Variants in LOXL4 observed in about 807,000 individuals in gnomAD.
LOXL4 encodes the protein lysyl oxidase like 4.
Under a neutral mutation model 89.1 loss-of-function variants are expected in LOXL4, and 72 were observed. That is an observed-to-expected ratio of 0.81 (90% CI 0.67 to 0.98). The LOEUF (loss-of-function observed/expected upper bound fraction) is 0.98. LOXL4 is among the 50% of genes least tolerant of loss of function. The probability of loss-of-function intolerance (pLI) is 0.00; values close to 1 mark genes in which losing one functional copy is unlikely to be tolerated. For missense variants in LOXL4, 984 were observed against 1,017.5 expected (o/e 0.97, Z 0.45); for synonymous variants, 355 against 392.1 (o/e 0.91, Z 1.12).
intron 1 of LOXL4, among the ~76,000 whole-genome samples, chr10:98,266,257 T>C (rs900203922): frequency 1.3e-5 from 2 of 151,932 alleles, no homozygotes; most frequent in Non-Finnish European, 2.9e-5. Flanking sequence ...CCCCCAGGAG[T>C]TGGAATGCTT....
At chr10:98,253,929 G>T in intron 10 of LOXL4, 133 bp from the exon 11 acceptor site, 1 of 1,107,132 alleles carries the variant, frequency 9.0e-7, no homozygotes, top group Non-Finnish European at 1.3e-6. Flanking sequence ...GCAGTTTTAA[G>T]AGTCAGGAGA....
At chr10:98,254,776 G>A (rs923674914) in intron 10 of LOXL4, among the ~76,000 whole-genome samples, 10 of 152,186 alleles carry the variant, frequency 6.6e-5, no homozygotes, top group African/African-American at 2.4e-4. Context: ...GGGAGGCCTT[G>A]GTGATGGGGA....
At chr10:98,264,501 T>G (rs1437310449) in intron 1 of LOXL4, among the ~76,000 whole-genome samples, 1 of 151,672 alleles carries the variant, frequency 6.6e-6, no homozygotes, top group East Asian at 1.9e-4. Context: ...ACAGAGGGTT[T>G]GCCTTCATCC....
rs1858672044 is a variant in LOXL4 at position 98,265,886 on chromosome 10, T to C, written c.-33+2246A>G. ...TTCCCTCCACCCACACTGCAGAGCC[T>C]AGATGCTCCCCTCTCCACTCCCTGA... On this transcript the variant is annotated intron_variant, in intron 1 of 14. Coordinates refer to ENST00000260702, the MANE Select transcript of LOXL4 (RefSeq NM_032211.7). Among the ~76,000 whole-genome samples, 3 of 152,148 alleles carry C rather than the reference T, an allele frequency of 2.0e-5. No individual in the cohort carries two copies. The South Asian group carries it at 6.2e-4, about 32-fold the overall frequency.
At chr10:98,254,118 A>G (rs1050628327) in intron 10 of LOXL4, among the ~76,000 whole-genome samples, 2 of 152,174 alleles carry the variant, frequency 1.3e-5, no homozygotes, top group Admixed American at 6.5e-5. Flanking sequence ...TCTCATTTTC[A>G]TCATCTGTAA....
rs1564761941 is a variant in LOXL4, at chr10:98,262,749, C to T, written c.271G>A (p.Gly91Arg). ...TWAHSAKYGQ[G>R]EGPIWLDNVR... ...GGTGGCACCAGTCACTCACCCTCCC[C>T]TTGGCCGTACTTGGCACTGTGGGCC... The change falls in exon 2 of 15, where the codon GGG (glycine) becomes AGG (arginine). Residue 91 changes from glycine to arginine, a missense_variant. Transcript: ENST00000260702. 6.2e-7 allele frequency: 1 copy of T among 1,611,998 alleles called. No individual in the cohort carries two copies. The highest frequency in any genetic ancestry group is 2.2e-5 in the East Asian group (1 of 44,858).
chr10:98,257,103 A>C (rs1858398657), intron 8 of LOXL4, among the ~76,000 whole-genome samples, 156 bp from the exon 9 acceptor site: 1 of 152,188 alleles, frequency 6.6e-6, no homozygotes, highest in Non-Finnish European at 1.5e-5. Context: ...AGGTGAGGAC[A>C]GTGTAGCAGG....
At chr10:98,254,304 CT>C (rs1414639320) in intron 10 of LOXL4, among the ~76,000 whole-genome samples, 4 of 152,230 alleles carry the variant, frequency 2.6e-5, no homozygotes, top group Non-Finnish European at 5.9e-5. Context: ...AACCTGGATA[CT>C]TTGCCTGTAC....
At chr10:98,255,333 C>T (rs1232433885) in intron 10 of LOXL4, among the ~76,000 whole-genome samples, 2 of 152,200 alleles carry the variant, frequency 1.3e-5, no homozygotes, top group Non-Finnish European at 2.9e-5. Context: ...AGTTGAAAAC[C>T]GCCGTTCCGT....
Position 98,253,582 on chromosome 10 carries a change from G to C in LOXL4, c.1806C>G (p.Arg602=). 1 of 1,614,232 alleles carries C rather than the reference G, an allele frequency of 6.2e-7. No homozygotes were observed. The highest frequency in any genetic ancestry group is 8.5e-7 in the Non-Finnish European group (1 of 1,180,042). The part of the protein sequence containing the change: ...GRTDFRPKTG[R]DSWVWHQCHR... ...GGCACTGGTGCCAAACCCAGCTATCGCGTCCAGTCTTTGGACGAAAGTCAG... is the reference window on the plus strand; with the variant it reads ...GGCACTGGTGCCAAACCCAGCTATCCCGTCCAGTCTTTGGACGAAAGTCAG... Residue 602 remains arginine (R), a synonymous_variant, in exon 11 of 15, where the codon CGC becomes CGG. Coordinates refer to ENST00000260702, the MANE Select transcript of LOXL4 (RefSeq NM_032211.7).
chr10:98,248,847 CTG>C lies in LOXL4; in HGVS notation c.*72_*73del. The C allele has an allele frequency of 7.2e-7, 1 of 1,380,666 alleles. No individual in the cohort carries two copies. Among genetic ancestry groups the C allele is most frequent in the Non-Finnish European group, 1.0e-6 (1 of 983,198 alleles). The allele number at this position is 1,380,666 out of a possible 1,614,324, so 85.5% of individuals were successfully genotyped here. ...GGCCCTTTTCCTCTGAGTTGGGACT[CTG>C]TGAAGGGCATGGCTCCAATAAGCTG... is the stretch of plus-strand genomic sequence containing the variant. On this transcript the variant is annotated 3_prime_UTR_variant, in exon 15 of 15. Coordinates refer to ENST00000260702, the MANE Select transcript of LOXL4 (RefSeq NM_032211.7).
chr10:98,256,645 A>G (rs996229055), intron 9 of LOXL4, 135 bp downstream of exon 9: 2 of 966,344 alleles, frequency 2.1e-6, no homozygotes, highest in South Asian at 1.4e-5. Context: ...AGCACTCAGC[A>G]TCATGTCGGC....
chr10:98,250,800 T>C (rs1488806199), intron 14 of LOXL4, among the ~76,000 whole-genome samples: 1 of 152,182 alleles, frequency 6.6e-6, no homozygotes, highest in African/African-American at 2.4e-5. Context: ...CTAGAACAGA[T>C]TGGAAACTGA....
intron 11 of LOXL4, among the ~76,000 whole-genome samples, chr10:98,253,141 A>T (rs546996928): frequency 3.3e-5 from 5 of 152,190 alleles, no homozygotes; most frequent in Non-Finnish European, 7.3e-5. Flanking sequence ...CTACTGAAGG[A>T]ATCAGCGAGC....
chr10:98,252,450 C>T lies in LOXL4; in HGVS notation c.1854G>A (p.Glu618=), dbSNP rs34558912. ...TGAGGAGGTCGTAGTGGGTGAAGACCTCAATGCTGTGGTAATGCCTGCAGA... is the reference window on the plus strand; with the variant it reads ...TGAGGAGGTCGTAGTGGGTGAAGACTTCAATGCTGTGGTAATGCCTGCAGA... ...HQCHRHYHSI[E]VFTHYDLLTL... The change falls in exon 12 of 15, where the codon GAG becomes GAA. Residue 618 remains glutamate, a synonymous_variant. Transcript: ENST00000260702. 3.1e-6 allele frequency: 5 copies of T among 1,613,830 alleles called. No homozygotes were observed. Among genetic ancestry groups the T allele is most frequent in the Non-Finnish European group, 4.2e-6 (5 of 1,179,722 alleles).
chr10:98,252,089 A>G, intron 12 of LOXL4: 1 of 510,958 alleles, frequency 2.0e-6, no homozygotes, highest in Non-Finnish European at 3.5e-6. Context: ...CTCAGCAGAG[A>G]TAGGACAGGT....
intron 1 of LOXL4, among the ~76,000 whole-genome samples, chr10:98,266,687 T>G (rs534791323): frequency 6.6e-6 from 1 of 152,078 alleles, no homozygotes; most frequent in African/African-American, 2.4e-5. Context: ...CGAGAGCTTT[T>G]GCTCACACCA....
rs1475177334 is a variant in LOXL4 at position 98,263,011 on chromosome 10, C to G, written c.9G>C (p.Trp3Cys). 6.2e-7 allele frequency: 1 copy of G among 1,613,058 alleles called. No homozygotes were observed. The highest frequency in any genetic ancestry group is 8.5e-7 in the Non-Finnish European group (1 of 1,179,780). ...ACAGAAAGAGGGTGGCTGGTGGGGA[C>G]CACGCCATGGTGACTTCAAGGACAG... Reference protein sequence around the residue: MAWSPPATLFLFL... With the variant: MACSPPATLFLFL... Residue 3 changes from tryptophan (W) to cysteine (C), a missense_variant, in exon 2 of 15, where the codon TGG (tryptophan) becomes TGC (cysteine). Physicochemically the swap from Trp to Cys is radical, Grantham distance 215 (BLOSUM62 -2). Transcript: ENST00000260702.
At chr10:98,257,431 G>A (rs894320918) in intron 8 of LOXL4, among the ~76,000 whole-genome samples, 3 of 152,176 alleles carry the variant, frequency 2.0e-5, no homozygotes, top group African/African-American at 7.2e-5. Context: ...GACCCGAGAC[G>A]GGTATGGGAG....
Sources: gnomAD v4.1 joint callset for allele counts (sites outside exome capture counted in the v4.1 genomes callset) on GRCh38, gnomAD v4.1.1 for gene constraint, MANE v1.5 for transcripts, NCBI Gene and HGNC (gene_info 2026-07-23, HGNC 2026-07-21) for gene names.